ELAPOR2: variants seen among roughly 807,000 people sequenced by gnomAD.
ELAPOR2 encodes endosome-lysosome associated apoptosis and autophagy regulator family member 2, also known as endosome/lysosome-associated apoptosis and autophagy regulator family member 2.
In ELAPOR2, 89 loss-of-function variants were observed where a neutral mutation model predicts 120.7. The ratio of observed to expected loss-of-function variants is 0.74; its 90% confidence interval spans 0.62 to 0.88. ELAPOR2 has a LOEUF of 0.88. ELAPOR2 is among the 40% of genes least tolerant of loss of function. ELAPOR2 has a pLI of 0.00. For synonymous variants in ELAPOR2, 444 were observed against 444.9 expected (o/e 1.00, Z 0.03); for missense variants, 1,134 against 1,251.6 (o/e 0.91, Z 1.42).
rs1439867840 is a variant in ELAPOR2 at position 86,947,770 on chromosome 7, T to G, written c.463A>C (p.Thr155Pro). 2 of 1,551,736 alleles carry G rather than the reference T, an allele frequency of 1.3e-6. No individual in the cohort carries two copies. The highest frequency in any genetic ancestry group is 1.7e-6 in the Non-Finnish European group (2 of 1,146,984). Residue 155 changes from threonine to proline, a missense_variant, in exon 3 of 22, where the codon ACT becomes CCT. This residue lies in a region of ELAPOR2 where 280 missense variants were observed against 331.5 expected (regional missense o/e 0.84). Coordinates refer to ENST00000450689, the MANE Select transcript of ELAPOR2 (RefSeq NM_001142749.3). ...CTGCTGTCAGAAGGGCCCACCACAGTGTCCATGAATGTTGCGATGTTAGAA... is the reference window on the plus strand; with the variant it reads ...CTGCTGTCAGAAGGGCCCACCACAGGGTCCATGAATGTTGCGATGTTAGAA... ...GFSNIATFMDTVVGPSDSRPD... is the reference protein window; with the variant it reads ...GFSNIATFMDPVVGPSDSRPD...
chr7:86,996,687 C>T (rs1367990795), intron 1 of ELAPOR2, among the ~76,000 whole-genome samples: 2 of 152,168 alleles, frequency 1.3e-5, no homozygotes, highest in Non-Finnish European at 2.9e-5. Flanking sequence ...ATGAAAGTAA[C>T]GACACCACTT....
At chr7:86,895,246 T>C (rs888462163) in intron 19 of ELAPOR2, among the ~76,000 whole-genome samples, 2 of 152,102 alleles carry the variant, frequency 1.3e-5, no homozygotes, top group African/African-American at 2.4e-5. Flanking sequence ...GTCATTTGTA[T>C]ATGAAGCTCA....
intron 1 of ELAPOR2, among the ~76,000 whole-genome samples, chr7:86,983,550 G>T (rs1455566578): frequency 6.6e-6 from 1 of 152,152 alleles, no homozygotes; most frequent in Non-Finnish European, 1.5e-5. Flanking sequence ...TTAAAGAAAA[G>T]AATTTGCAGC....
chr7:86,934,313 T>C (rs544170432), intron 8 of ELAPOR2, among the ~76,000 whole-genome samples: 1 of 152,056 alleles, frequency 6.6e-6, no homozygotes, highest in Non-Finnish European at 1.5e-5. Context: ...CAACTTGATA[T>C]GTAGTAAGCC....
chr7:86,990,393 T>A (rs1258191226), intron 1 of ELAPOR2, among the ~76,000 whole-genome samples: 3 of 152,110 alleles, frequency 2.0e-5, no homozygotes, highest in Non-Finnish European at 4.4e-5. Flanking sequence ...AGACTGGTGG[T>A]GGCTCTATAA....
intron 1 of ELAPOR2, among the ~76,000 whole-genome samples, chr7:87,030,877 G>A (rs1454055149): frequency 6.6e-6 from 1 of 152,142 alleles, no homozygotes; most frequent in East Asian, 1.9e-4. Context: ...AAGAAAAAGA[G>A]GTTTAATGGA....
chr7:86,979,917 C>A (rs1426398011), intron 1 of ELAPOR2, among the ~76,000 whole-genome samples: 1 of 152,086 alleles, frequency 6.6e-6, no homozygotes, highest in African/African-American at 2.4e-5. Flanking sequence ...CTTTTTTCCA[C>A]TTATCACTAG....
intron 1 of ELAPOR2, among the ~76,000 whole-genome samples, chr7:86,992,197 G>A (rs1207119285): frequency 6.6e-6 from 1 of 152,100 alleles, no homozygotes; most frequent in Non-Finnish European, 1.5e-5. Flanking sequence ...AGGTCAAGGC[G>A]GAAGGACTGC....
chr7:86,889,794 G>A (rs1788048032), intron 21 of ELAPOR2, among the ~76,000 whole-genome samples: 2 of 151,938 alleles, frequency 1.3e-5, no homozygotes, highest in African/African-American at 4.8e-5. Context: ...AAATTTCCTT[G>A]TCCCCTTTTT....
intron 1 of ELAPOR2, among the ~76,000 whole-genome samples, chr7:87,046,524 C>T (rs1322203294): frequency 5.3e-5 from 8 of 152,158 alleles, no homozygotes; most frequent in East Asian, 1.9e-4. Flanking sequence ...TGTCCCCACT[C>T]GAATCTCATT....
At chr7:86,934,098 T>G (rs1001792383) in intron 8 of ELAPOR2, among the ~76,000 whole-genome samples, 1 of 152,050 alleles carries the variant, frequency 6.6e-6, no homozygotes, top group Admixed American at 6.6e-5. Flanking sequence ...CTTTAATTTA[T>G]CTATGTTATA....
chr7:86,928,747 A>T (rs111241667), intron 8 of ELAPOR2, among the ~76,000 whole-genome samples: 3 of 152,148 alleles, frequency 2.0e-5, no homozygotes, highest in South Asian at 2.1e-4. Flanking sequence ...GACTTTCAAT[A>T]CATGCAAACT....
intron 6 of ELAPOR2, 99 bp downstream of exon 6, chr7:86,939,911 C>A: frequency 1.6e-6 from 1 of 633,852 alleles, no homozygotes; most frequent in Admixed American, 3.0e-5. Context: ...AATTTCTGTT[C>A]TATAAATCTT....
chr7:86,925,495 G>A (rs1176138316), intron 10 of ELAPOR2, 33 bp downstream of exon 10: 1 of 1,606,576 alleles, frequency 6.2e-7, no homozygotes, highest in Admixed American at 1.7e-5. Flanking sequence ...CTCTATTGCT[G>A]AAATACATCA....
chr7:86,896,948 C>T (rs1788464896), intron 19 of ELAPOR2, among the ~76,000 whole-genome samples: 2 of 151,528 alleles, frequency 1.3e-5, no homozygotes, highest in Admixed American at 6.6e-5. Context: ...AATTTTCTCT[C>T]AAATGTCTAA....
chr7:86,888,088 T>C (rs1040774633), intron 21 of ELAPOR2, among the ~76,000 whole-genome samples: 1 of 152,054 alleles, frequency 6.6e-6, no homozygotes, highest in Admixed American at 6.6e-5. Context: ...TAACCACCTG[T>C]ATTGTTGCTT....
chr7:87,042,670 A>C (rs910490560), intron 1 of ELAPOR2, among the ~76,000 whole-genome samples: 1 of 152,202 alleles, frequency 6.6e-6, no homozygotes, highest in Non-Finnish European at 1.5e-5. Flanking sequence ...AAAGATCCAA[A>C]ATTGGCACCC....
intron 1 of ELAPOR2, among the ~76,000 whole-genome samples, chr7:87,020,642 A>T (rs997109320): frequency 1.3e-5 from 2 of 152,132 alleles, no homozygotes; most frequent in Non-Finnish European, 2.9e-5. Flanking sequence ...TTATGGTTAC[A>T]GGGTTTTACT....
At chr7:87,014,314 T>C (rs1388306639) in intron 1 of ELAPOR2, among the ~76,000 whole-genome samples, 1 of 152,180 alleles carries the variant, frequency 6.6e-6, no homozygotes, top group African/African-American at 2.4e-5. Context: ...CTAGGACCAA[T>C]TGTTCAGTAT....
Sources: gnomAD v4.1 joint callset for allele counts (sites outside exome capture counted in the v4.1 genomes callset) on GRCh38, gnomAD v4.1.1 for gene constraint, gnomAD v4.1.1 regional missense constraint, MANE v1.5 for transcripts, NCBI Gene and HGNC (gene_info 2026-07-23, HGNC 2026-07-21) for gene names.